Variants in ASXL3 observed in about 807,000 individuals in gnomAD.
The protein encoded by ASXL3 is putative Polycomb group protein ASXL3.
A neutral mutation model predicts 170.6 loss-of-function variants in ASXL3; 34 were observed. The observed-to-expected ratio is 0.20, with a 90% confidence interval of 0.15 to 0.27. The LOEUF is 0.27. Among genes scored for constraint, ASXL3 ranks in the 10% least tolerant of loss-of-function variants. ASXL3 has a pLI of 1.00. For missense variants in ASXL3, 2,592 were observed against 2,695.3 expected, an observed-to-expected ratio of 0.96 and a Z score of 0.85; for synonymous variants, 1,002 against 989.1, an observed-to-expected ratio of 1.01 and a Z score of -0.24.
chr18:33,688,696 A>G (rs1199690094), intron 8 of ASXL3, among the ~76,000 whole-genome samples: 1 of 152,194 alleles, frequency 6.6e-6, no homozygotes, highest in African/African-American at 2.4e-5. Flanking sequence ...TGCCAATCAT[A>G]TGTAGGCAAT....
At chr18:33,730,469 T>C (rs1373102322) in intron 8 of ASXL3, among the ~76,000 whole-genome samples, 1 of 152,156 alleles carries the variant, frequency 6.6e-6, no homozygotes, top group Admixed American at 6.6e-5. Context: ...ATTGGGAACA[T>C]AGCACCAAAC....
chr18:33,660,803 A>G (rs1599459756), intron 4 of ASXL3, among the ~76,000 whole-genome samples: 1 of 152,156 alleles, frequency 6.6e-6, no homozygotes, highest in Non-Finnish European at 1.5e-5. Context: ...AAGGAGTCAA[A>G]TGAGGACTCA....
chr18:33,713,140 G>C lies in ASXL3; in HGVS notation c.880-18828G>C, dbSNP rs114239125. On this transcript the variant is annotated intron_variant, in intron 8 of 11. Coordinates refer to ENST00000269197, the MANE Select transcript of ASXL3 (RefSeq NM_030632.3). ...CATCTCTAGTGTGGCTCAAAATCAGGGTTTGTTACTATACAAAATCAGGGT... is the reference window on the plus strand; with the variant it reads ...CATCTCTAGTGTGGCTCAAAATCAGCGTTTGTTACTATACAAAATCAGGGT... 3.0e-3 allele frequency among the ~76,000 whole-genome samples: 448 copies of C among 151,206 alleles called. 3 individuals carry two copies. The highest frequency in any genetic ancestry group is 0.01 in the African/African-American group (433 of 41,246).
At position 33,659,315 on chromosome 18, in the gene ASXL3, G is replaced by A. The variant is rs372449982; in HGVS notation, c.356-2301G>A. Among the ~76,000 whole-genome samples the A allele has an allele frequency of 5.9e-5, 9 of 152,206 alleles. No individual in the cohort carries two copies. The South Asian group carries it at 1.4e-3, about 25-fold the overall frequency. On this transcript the variant is annotated intron_variant, in intron 4 of 11. Coordinates refer to ENST00000269197, the MANE Select transcript of ASXL3 (RefSeq NM_030632.3). ...AGTACATTTAGACGCCCAGTATGCA[G>A]AAGCATTCTCATATTTTCCCTAAGT...
intron 8 of ASXL3, among the ~76,000 whole-genome samples, chr18:33,693,684 G>A (rs1175966621): frequency 2.0e-5 from 3 of 151,936 alleles, no homozygotes; most frequent in African/African-American, 7.3e-5. Context: ...AGATGGCAGT[G>A]GACAAATAGT....
chr18:33,734,149 A>G (rs2067505586), intron 9 of ASXL3, among the ~76,000 whole-genome samples, 161 bp from the exon 10 acceptor site: 1 of 70,376 alleles, frequency 1.4e-5, no homozygotes, highest in Non-Finnish European at 2.5e-5. Context: ...GAACATCTTG[A>G]GTGATGTTCA....
In ASXL3 at chr18:33,628,208, G is replaced by T. The variant is rs1434424788; in HGVS notation, c.138-16686G>T. Among the ~76,000 whole-genome samples the T allele has an allele frequency of 3.3e-5, 5 of 152,020 alleles. No homozygotes were observed. In the East Asian group the frequency reaches 7.7e-4, roughly 24 times the overall value. ...GGTGCTGAGAGAAGCTAGGTATCTT[G>T]CCTAACTTCACACAATGATAAGTGG... On this transcript the variant is annotated intron_variant, in intron 2 of 11. Coordinates refer to ENST00000269197, the MANE Select transcript of ASXL3 (RefSeq NM_030632.3).
intron 1 of ASXL3, among the ~76,000 whole-genome samples, chr18:33,592,236 T>G (rs1568266445): frequency 6.6e-6 from 1 of 152,210 alleles, no homozygotes; most frequent in Non-Finnish European, 1.5e-5. Flanking sequence ...TGAAGTTTTT[T>G]CATGTGTGTT....
chr18:33,741,210 A>T (rs2067655781), intron 11 of ASXL3, among the ~76,000 whole-genome samples: 1 of 152,186 alleles, frequency 6.6e-6, no homozygotes, highest in Non-Finnish European at 1.5e-5. Context: ...TTTCCATAGG[A>T]GATATTTTTA....
At chr18:33,702,460 G>C (rs2066888935) in intron 8 of ASXL3, among the ~76,000 whole-genome samples, 2 of 152,042 alleles carry the variant, frequency 1.3e-5, no homozygotes, top group African/African-American at 4.8e-5. Context: ...AGCATGAAGG[G>C]GCACAGCCTT....
intron 2 of ASXL3, among the ~76,000 whole-genome samples, chr18:33,624,936 A>G (rs1180247884): frequency 1.3e-5 from 2 of 152,170 alleles, no homozygotes; most frequent in African/African-American, 2.4e-5. Context: ...TAAATACAGC[A>G]TAGAATATAT....
intron 2 of ASXL3, among the ~76,000 whole-genome samples, chr18:33,621,433 T>C (rs1289026572): frequency 6.6e-6 from 1 of 152,192 alleles, no homozygotes; most frequent in Non-Finnish European, 1.5e-5. Flanking sequence ...TTGAAAGGAA[T>C]GGCAAAAACC....
chr18:33,647,551 C>T (rs1237928881), intron 4 of ASXL3, among the ~76,000 whole-genome samples: 1 of 151,970 alleles, frequency 6.6e-6, no homozygotes. Flanking sequence ...TAATTTCTGG[C>T]TTTCTAAAAG....
At chr18:33,680,150 C>T (rs1167303224) in intron 7 of ASXL3, among the ~76,000 whole-genome samples, 5 of 151,894 alleles carry the variant, frequency 3.3e-5, no homozygotes, top group African/African-American at 1.2e-4. Context: ...TCAAAAATTT[C>T]GGTATCATTA....
chr18:33,639,811 A>T (rs1470092318), intron 2 of ASXL3, among the ~76,000 whole-genome samples: 1 of 152,152 alleles, frequency 6.6e-6, no homozygotes, highest in African/African-American at 2.4e-5. Context: ...ACAAACAGAC[A>T]TATTCATGCC....
At chr18:33,593,540 C>T (rs2065098690) in intron 1 of ASXL3, among the ~76,000 whole-genome samples, 1 of 152,084 alleles carries the variant, frequency 6.6e-6, no homozygotes, top group Non-Finnish European at 1.5e-5. Flanking sequence ...AGCCCGCAGA[C>T]TTTCATACCA....
At chr18:33,670,599 G>A in intron 5 of ASXL3, 74 bp from the exon 6 acceptor site, 1 of 1,116,812 alleles carries the variant, frequency 9.0e-7, no homozygotes, top group Non-Finnish European at 1.3e-6. Flanking sequence ...ATGGACAAAT[G>A]AGTCACTTAA....
At chr18:33,676,978 G>T (rs1417184163) in intron 7 of ASXL3, among the ~76,000 whole-genome samples, 1 of 152,146 alleles carries the variant, frequency 6.6e-6, no homozygotes, top group Non-Finnish European at 1.5e-5. Flanking sequence ...TAACTAAAAT[G>T]TAAGTTCCTT....
At chr18:33,714,898 A>G (rs1331913470) in intron 8 of ASXL3, among the ~76,000 whole-genome samples, 1 of 152,060 alleles carries the variant, frequency 6.6e-6, no homozygotes, top group Non-Finnish European at 1.5e-5. Flanking sequence ...CCCCTTGTCC[A>G]CTTTTTCTTG....
Sources: gnomAD v4.1 joint callset for allele counts (sites outside exome capture counted in the v4.1 genomes callset) on GRCh38, gnomAD v4.1.1 for gene constraint, MANE v1.5 for transcripts, NCBI Gene and HGNC (gene_info 2026-07-23, HGNC 2026-07-21) for gene names.